BRMS1L: variants seen among roughly 807,000 people sequenced by gnomAD.
BRMS1L encodes breast cancer metastasis-suppressor 1-like protein.
Under a neutral mutation model 50.3 loss-of-function variants are expected in BRMS1L, and 23 were observed. That is an observed-to-expected ratio of 0.46 (90% CI 0.33 to 0.65). The LOEUF is 0.65. Ranked by LOEUF, BRMS1L falls within the 30% of genes least tolerant of loss-of-function variation. The pLI, the probability that BRMS1L is intolerant of heterozygous loss-of-function variation, is 0.02. For missense variants in BRMS1L, 286 were observed against 386.1 expected (o/e 0.74, Z 2.17); for synonymous variants, 114 against 126.9 (o/e 0.90, Z 0.69).
At chr14:35,839,034 A>C (rs1245189089) in intron 4 of BRMS1L, among the ~76,000 whole-genome samples, 2 of 151,942 alleles carry the variant, frequency 1.3e-5, no homozygotes, top group Non-Finnish European at 2.9e-5. Context: ...ATCCATCTTG[A>C]GTTAATTTTT....
chr14:35,852,542 A>G (rs1251762794), intron 4 of BRMS1L, among the ~76,000 whole-genome samples: 1 of 152,206 alleles, frequency 6.6e-6, no homozygotes, highest in Non-Finnish European at 1.5e-5. Flanking sequence ...CAAGTCTTTC[A>G]GCTCTTAGGT....
chr14:35,864,841 A>G (rs1021938610), intron 6 of BRMS1L, 94 bp from the exon 7 acceptor site: 3 of 914,316 alleles, frequency 3.3e-6, no homozygotes, highest in Non-Finnish European at 5.1e-6. Flanking sequence ...CATTATGCTC[A>G]TAAATCATCG....
At chr14:35,853,008 ATCTATC>A (rs1566424276) in intron 4 of BRMS1L, among the ~76,000 whole-genome samples, 76 of 150,510 alleles carry the variant, frequency 5.0e-4, no homozygotes, top group African/African-American at 1.9e-3. Context: ...CTATCTATCT[ATCTATC>A]TATATATAGA....
At chr14:35,832,757 G>A (rs2077939511) in intron 2 of BRMS1L, among the ~76,000 whole-genome samples, 2 of 151,976 alleles carry the variant, frequency 1.3e-5, no homozygotes, top group Non-Finnish European at 2.9e-5. Context: ...TTTTTGTATT[G>A]GGAATTGACC....
chr14:35,837,231 G>A (rs951973921), intron 4 of BRMS1L, among the ~76,000 whole-genome samples: 2 of 151,834 alleles, frequency 1.3e-5, no homozygotes, highest in Admixed American at 1.3e-4. Context: ...CTCCAGCCTG[G>A]GCAACAAGAG....
intron 4 of BRMS1L, among the ~76,000 whole-genome samples, chr14:35,837,887 A>G (rs759605135): frequency 2.6e-4 from 39 of 152,140 alleles, no homozygotes; most frequent in Non-Finnish European, 5.3e-4. Context: ...TTTTAAAAAA[A>G]TTATACTTCA....
intron 1 of BRMS1L, among the ~76,000 whole-genome samples, chr14:35,831,003 CA>C (rs2077913137): frequency 6.8e-6 from 1 of 147,586 alleles, no homozygotes; most frequent in Non-Finnish European, 1.5e-5. Context: ...TGCAGTGTCA[CA>C]ATCATGGCTT....
chr14:35,865,778 G>T lies in BRMS1L; in HGVS notation c.727+17G>T, dbSNP rs1295502775. The T allele has an allele frequency of 6.2e-7, 1 of 1,600,678 alleles. No homozygotes were observed. The highest frequency in any genetic ancestry group is 1.4e-5 in the African/African-American group (1 of 73,832). Reference sequence around the variant, plus strand: ...AAACGGAACGTAAGTCATTTAGTCTGAGTTGGGAAATATTCTCTTTGGAGA... The same window carrying T: ...AAACGGAACGTAAGTCATTTAGTCTTAGTTGGGAAATATTCTCTTTGGAGA... On this transcript the variant is annotated intron_variant, in intron 8 of 9. Coordinates refer to ENST00000216807, the MANE Select transcript of BRMS1L (RefSeq NM_032352.4).
At chr14:35,858,058 G>A (rs2078304763) in intron 4 of BRMS1L, among the ~76,000 whole-genome samples, 1 of 150,408 alleles carries the variant, frequency 6.6e-6, no homozygotes, top group African/African-American at 2.4e-5. Context: ...GTTTTCAACT[G>A]TATGAAGATT....
chr14:35,846,566 C>G (rs547361247), intron 4 of BRMS1L, among the ~76,000 whole-genome samples: 67 of 152,116 alleles, frequency 4.4e-4, no homozygotes, highest in Non-Finnish European at 3.5e-4. Context: ...TAGAATGTTC[C>G]TCAGTTTTGA....
Position 35,826,594 on chromosome 14 carries a change from G to C in BRMS1L, c.78G>C (p.Glu26Asp). Residue 26 changes from glutamate (E) to aspartate (D), a missense_variant, in exon 1 of 10, where the codon GAG becomes GAC. Glu to Asp is a conservative substitution (Grantham distance 45). Transcript: ENST00000216807. ...TGGAGGTGGACTACGCCGAAAATGA[G>C]GGGAGCAGCTCCGAGGACGAGGACA... The part of the protein sequence containing the change: ...DEMEVDYAEN[E>D]GSSSEDEDTE... 6.2e-7 allele frequency: 1 copy of C among 1,611,676 alleles called. No individual in the cohort carries two copies. Among genetic ancestry groups the C allele is most frequent in the Non-Finnish European group, 8.5e-7 (1 of 1,179,240 alleles).
chr14:35,842,930 T>A (rs2078085851), intron 4 of BRMS1L, among the ~76,000 whole-genome samples: 1 of 152,242 alleles, frequency 6.6e-6, no homozygotes, highest in South Asian at 2.1e-4. Flanking sequence ...ATTAAGTTGA[T>A]CTTCAATCTC....
At chr14:35,854,684 G>A (rs1246301222) in intron 4 of BRMS1L, among the ~76,000 whole-genome samples, 1 of 152,132 alleles carries the variant, frequency 6.6e-6, no homozygotes, top group Non-Finnish European at 1.5e-5. Flanking sequence ...TGCTGTCTAA[G>A]TCTACTGTTT....
At chr14:35,849,585 C>A (rs558053762) in intron 4 of BRMS1L, among the ~76,000 whole-genome samples, 1 of 152,186 alleles carries the variant, frequency 6.6e-6, no homozygotes, top group South Asian at 2.1e-4. Flanking sequence ...AGGCATGAAC[C>A]ACTGCACCCA....
chr14:35,828,177 T>A (rs568942348), intron 1 of BRMS1L, among the ~76,000 whole-genome samples: 1 of 152,122 alleles, frequency 6.6e-6, no homozygotes, highest in Non-Finnish European at 1.5e-5. Context: ...CTTTTTTTTT[T>A]CTTTTCTCTC....
intron 4 of BRMS1L, among the ~76,000 whole-genome samples, chr14:35,852,000 A>G (rs967564499): frequency 3.3e-5 from 5 of 152,144 alleles, no homozygotes; most frequent in African/African-American, 1.2e-4. Context: ...GGTCTGTATG[A>G]CAGTACTATA....
At position 35,834,910 on chromosome 14, in the gene BRMS1L, G is replaced by A. The variant is rs777023940; in HGVS notation, c.428G>A (p.Arg143His). Residue 143 changes from arginine to histidine, a missense_variant, in exon 4 of 10, where the codon CGC (arginine) becomes CAC (histidine). This residue lies in a region of BRMS1L where 160 missense variants were observed against 240.6 expected (regional missense o/e 0.66). Transcript: ENST00000216807. ...NKYECEIQAS[R>H]QHCESEKLLL... ...TATGAATGTGAAATTCAAGCTTCTC[G>A]CCAGCATTGTGAGGTACTGTCATTT... 1.9e-6 allele frequency: 3 copies of A among 1,590,628 alleles called. No homozygotes were observed. Among genetic ancestry groups the A allele is most frequent in the Non-Finnish European group, 2.6e-6 (3 of 1,168,954 alleles).
At chr14:35,862,879 A>T (rs2078370974) in intron 5 of BRMS1L, among the ~76,000 whole-genome samples, 193 bp downstream of exon 5, 1 of 152,244 alleles carries the variant, frequency 6.6e-6, no homozygotes, top group Non-Finnish European at 1.5e-5. Context: ...CTTTAGAAAG[A>T]TGTAAAAAAT....
chr14:35,863,555 T>C (rs1385286198), intron 5 of BRMS1L, among the ~76,000 whole-genome samples: 2 of 152,168 alleles, frequency 1.3e-5, no homozygotes, highest in African/African-American at 4.8e-5. Context: ...GTAATAAGAA[T>C]ACCTACCTCA....
Sources: allele counts gnomAD v4.1 joint callset (sites outside exome capture counted in the v4.1 genomes callset), GRCh38; gene constraint gnomAD v4.1.1; regional missense constraint gnomAD v4.1.1; transcripts MANE v1.5; gene names NCBI Gene and HGNC (gene_info 2026-07-23, HGNC 2026-07-21).